Variants in MPHOSPH8 observed in about 807,000 individuals in gnomAD.
MPHOSPH8 encodes the protein M-phase phosphoprotein, mpp.
In MPHOSPH8, 45 loss-of-function variants were observed where a neutral mutation model predicts 87.3. The observed-to-expected ratio is 0.52, with a 90% CI of 0.41 to 0.66. The LOEUF is 0.66. Ranked by LOEUF, MPHOSPH8 falls within the 30% of genes least tolerant of loss-of-function variation. The probability of loss-of-function intolerance (pLI) is 0.00; values close to 1 mark genes in which losing one functional copy is unlikely to be tolerated. For missense variants in MPHOSPH8, 883 were observed against 1,020.2 expected, an observed-to-expected ratio of 0.87 and a Z score of 1.83; for synonymous variants, 366 against 376.9, an observed-to-expected ratio of 0.97 and a Z score of 0.33.
At chr13:19,649,490 A>G (rs1047771146) in intron 4 of MPHOSPH8, among the ~76,000 whole-genome samples, 3 of 152,100 alleles carry the variant, frequency 2.0e-5, no homozygotes, top group African/African-American at 7.2e-5. Context: ...TTCTTATGTC[A>G]GGTCTAGTAC....
At chr13:19,649,586 G>A (rs1874737155) in intron 4 of MPHOSPH8, among the ~76,000 whole-genome samples, 2 of 152,150 alleles carry the variant, frequency 1.3e-5, no homozygotes, top group African/African-American at 2.4e-5. Context: ...CAGTGCTCTG[G>A]CACCCTGCTG....
chr13:19,642,653 G>A (rs1874361167), intron 2 of MPHOSPH8, among the ~76,000 whole-genome samples: 1 of 149,704 alleles, frequency 6.7e-6, no homozygotes, highest in African/African-American at 2.5e-5. Flanking sequence ...TTTTCTGCTA[G>A]TTAAAACAAA....
intron 4 of MPHOSPH8, 29 bp from the exon 5 acceptor site, chr13:19,649,974 T>G (rs779880283): frequency 6.6e-7 from 1 of 1,510,486 alleles, no homozygotes; most frequent in Middle Eastern, 2.2e-4. Context: ...TGACTCATAC[T>G]TAACCATCTA....
At chr13:19,671,091 T>G in intron 12 of MPHOSPH8, 115 bp from the exon 13 acceptor site, 3 of 1,478,564 alleles carry the variant, frequency 2.0e-6, no homozygotes, top group Non-Finnish European at 2.7e-6. Flanking sequence ...CACAACATCT[T>G]GACTTATGAA....
intron 5 of MPHOSPH8, among the ~76,000 whole-genome samples, chr13:19,652,280 T>C (rs1593477940): frequency 6.6e-6 from 1 of 151,710 alleles, no homozygotes; most frequent in African/African-American, 2.4e-5. Flanking sequence ...CCACGGAGGG[T>C]GAGCCAAAGC....
At chr13:19,660,160 G>A (rs1475561581) in intron 7 of MPHOSPH8, among the ~76,000 whole-genome samples, 1 of 151,254 alleles carries the variant, frequency 6.6e-6, no homozygotes, top group Non-Finnish European at 1.5e-5. Context: ...AGTAGAGACG[G>A]GGTTTCACCA....
At chr13:19,669,402 A>G (rs570536163) in intron 11 of MPHOSPH8, among the ~76,000 whole-genome samples, 13 of 151,936 alleles carry the variant, frequency 8.6e-5, no homozygotes, top group Non-Finnish European at 1.5e-4. Context: ...AGGTATGAGT[A>G]CCAGAGAACG....
intron 12 of MPHOSPH8, 49 bp from the exon 13 acceptor site, chr13:19,671,157 C>T (rs756982058): frequency 1.3e-6 from 2 of 1,595,178 alleles, no homozygotes; most frequent in Non-Finnish European, 1.7e-6. Flanking sequence ...TTAAGGGCTT[C>T]TGGTGTAAGT....
intron 12 of MPHOSPH8, 87 bp from the exon 13 acceptor site, chr13:19,671,119 T>A: frequency 6.6e-7 from 1 of 1,520,120 alleles, no homozygotes; most frequent in Non-Finnish European, 8.8e-7. Context: ...ATAAAACTTA[T>A]TTATGATTCT....
rs1042221933 is a variant in MPHOSPH8, at chr13:19,668,259, G to A, written c.2175-118G>A. The A allele has an allele frequency of 5.0e-6, 4 of 797,184 alleles. No homozygotes were observed. In the African/African-American group the frequency reaches 6.9e-5, roughly 14 times the overall value. The allele number at this position is 797,184 out of a possible 1,614,324, so 49.4% of individuals were successfully genotyped here. On this transcript the variant is annotated intron_variant, in intron 10 of 13. Coordinates refer to ENST00000361479, the MANE Select transcript of MPHOSPH8 (RefSeq NM_017520.4). ...GTGGAAGTAGAGCTGGAAAGCGGAGGCAGGCAGAGCTGCAGGTCTTTGTTT... is the reference window on the plus strand; with the variant it reads ...GTGGAAGTAGAGCTGGAAAGCGGAGACAGGCAGAGCTGCAGGTCTTTGTTT...
At chr13:19,659,340 G>A in intron 7 of MPHOSPH8, 51 bp downstream of exon 7, 1 of 1,368,642 alleles carries the variant, frequency 7.3e-7, no homozygotes, top group South Asian at 1.2e-5. Context: ...AGTAACACTT[G>A]AAAGAATTCA....
intron 8 of MPHOSPH8, 147 bp from the exon 9 acceptor site, chr13:19,662,893 C>T (rs544139313): frequency 1.2e-4 from 82 of 683,586 alleles, no homozygotes; most frequent in African/African-American, 1.1e-3. Context: ...GGTGCACCCC[C>T]GTGGCCCCAC....
In MPHOSPH8 at chr13:19,661,739, A is replaced by C; in HGVS notation, c.1833A>C (p.Gly611=). 1 of 1,611,286 alleles carries C rather than the reference A, an allele frequency of 6.2e-7. No homozygotes were observed. Among genetic ancestry groups the C allele is most frequent in the Non-Finnish European group, 8.5e-7 (1 of 1,178,262 alleles). Residue 611 remains glycine, a synonymous_variant, in exon 8 of 14, where the codon GGA becomes GGC. Transcript: ENST00000361479. The part of the protein sequence containing the change: ...GMTLVMLAAA[G]GQDDLLRLLI... ...CACTGGTGATGCTTGCCGCCGCCGG[A>C]GGGCAGGACGACCTCCTGCGACTCC...
At chr13:19,663,164 G>A (rs763864560) in intron 9 of MPHOSPH8, 38 bp downstream of exon 9, 25 of 1,544,806 alleles carry the variant, frequency 1.6e-5, no homozygotes, top group South Asian at 1.1e-4. Flanking sequence ...TCTTCACTAC[G>A]TTGGCAGGTG....
chr13:19,667,285 C>A (rs67873883), intron 10 of MPHOSPH8, among the ~76,000 whole-genome samples: 1 of 152,088 alleles, frequency 6.6e-6, no homozygotes, highest in African/African-American at 2.4e-5. Flanking sequence ...TTCCAAGCCT[C>A]CCCACCGCCA....
At chr13:19,664,110 C>A (rs1010624162) in intron 9 of MPHOSPH8, among the ~76,000 whole-genome samples, 6 of 152,148 alleles carry the variant, frequency 3.9e-5, no homozygotes, top group Non-Finnish European at 7.4e-5. Context: ...TCCCGAGTAG[C>A]TGGGACTACA....
intron 2 of MPHOSPH8, among the ~76,000 whole-genome samples, chr13:19,642,558 C>G (rs1053802234): frequency 8.5e-5 from 13 of 152,060 alleles, no homozygotes; most frequent in African/African-American, 2.9e-4. Context: ...AAGAGACATG[C>G]CAAACTATCA....
chr13:19,655,962 A>G (rs1169619741), intron 5 of MPHOSPH8, among the ~76,000 whole-genome samples: 1 of 152,110 alleles, frequency 6.6e-6, no homozygotes, highest in African/African-American at 2.4e-5. Flanking sequence ...AAAATACAAA[A>G]TTAGGCGCAT....
intron 12 of MPHOSPH8, chr13:19,670,872 GCAGTGGCGCGGATTA>G (rs1467875854): frequency 4.1e-5 from 45 of 1,087,750 alleles, no homozygotes; most frequent in Non-Finnish European, 1.2e-6. Context: ...AGGCTGGAGT[GCAGTGGCGCGGATTA>G]CAGCTCACTG....
Sources: allele counts gnomAD v4.1 joint callset (sites outside exome capture counted in the v4.1 genomes callset), GRCh38; gene constraint gnomAD v4.1.1; transcripts MANE v1.5; gene names NCBI Gene and HGNC (gene_info 2026-07-23, HGNC 2026-07-21).